The following CDK5RAP1 variants were observed in gnomAD, a reference collection of about 807,000 sequenced individuals.
CDK5RAP1 encodes the protein CDK5RAP1 mitochondrial tRNA methylthiotransferase, also known as mitochondrial tRNA methylthiotransferase CDK5RAP1.
CDK5RAP1 carries 62 observed loss-of-function variants against 64.5 expected under a neutral mutation model. That is an observed-to-expected ratio of 0.96 (90% CI 0.78 to 1.19). The LOEUF is 1.19. Ranked by LOEUF, CDK5RAP1 falls within the 50% of genes most tolerant of loss-of-function variation. CDK5RAP1 has a pLI of 0.00. For missense variants in CDK5RAP1, 657 were observed against 735.0 expected, an observed-to-expected ratio of 0.89 and a Z score of 1.23; for synonymous variants, 250 against 261.9, an observed-to-expected ratio of 0.95 and a Z score of 0.44.
chr20:33,361,955 C>CTAA (rs1983004786), intron 12 of CDK5RAP1, among the ~76,000 whole-genome samples: 1 of 87,872 alleles, frequency 1.1e-5, no homozygotes, highest in Non-Finnish European at 2.1e-5. Flanking sequence ...GCCTCAGTCT[C>CTAA]AAAAAAAAAA....
chr20:33,397,118 T>C, intron 1 of CDK5RAP1, 34 bp from the exon 2 acceptor site: 1 of 1,494,934 alleles, frequency 6.7e-7, no homozygotes. Flanking sequence ...CCAGCATTTA[T>C]TGAACACTAT....
intron 12 of CDK5RAP1, among the ~76,000 whole-genome samples, chr20:33,363,764 T>C (rs987416156): frequency 6.6e-6 from 1 of 152,104 alleles, no homozygotes; most frequent in Non-Finnish European, 1.5e-5. Flanking sequence ...CCAGGCGTGG[T>C]TGTACACATT....
intron 6 of CDK5RAP1, among the ~76,000 whole-genome samples, chr20:33,386,193 A>G (rs1987407831): frequency 6.6e-6 from 1 of 152,160 alleles, no homozygotes. Context: ...CCTCCTGAGT[A>G]GCTGGGACTA....
intron 6 of CDK5RAP1, among the ~76,000 whole-genome samples, chr20:33,386,775 T>TA (rs11481511): frequency 0.47 from 65,197 of 139,194 alleles, 14,970 homozygotes; most frequent in Non-Finnish European, 0.51. Flanking sequence ...AACTTTTCTG[T>TA]AAAAAAAAAA....
chr20:33,397,020 C>T lies in CDK5RAP1; in HGVS notation c.45G>A (p.Gly15=). The part of the protein sequence containing the change: ...QCVLQVQRSL[G]WGPLASVSWL... ...AAGACACAGAGGCCAATGGTCCCCA[C>T]CCCAGAGACCTCTGCACTTGGAGGA... The change falls in exon 2 of 14, where the codon GGG becomes GGA. Residue 15 remains glycine (G), a synonymous_variant. Coordinates refer to ENST00000346416, the MANE Select transcript of CDK5RAP1 (RefSeq NM_016408.4). 1 of 1,613,952 alleles carries T rather than the reference C, an allele frequency of 6.2e-7. No individual in the cohort carries two copies. Among genetic ancestry groups the T allele is most frequent in the Non-Finnish European group, 8.5e-7 (1 of 1,179,934 alleles).
intron 2 of CDK5RAP1, 139 bp downstream of exon 2, chr20:33,396,622 C>T (rs771456710): frequency 2.8e-6 from 2 of 711,076 alleles, no homozygotes; most frequent in Middle Eastern, 4.1e-4. Flanking sequence ...ATTAATATTA[C>T]TTGGTGGAGT....
At position 33,389,523 on chromosome 20, in the gene CDK5RAP1, C is replaced by T. The variant is rs568922007; in HGVS notation, c.545-1990G>A. ...TCAGCCCCCGCCCGGCCAGCCGACC[C>T]GTCAGGGAGGGAGGTGGGGGGGTCA... On this transcript the variant is annotated intron_variant, in intron 5 of 13. Transcript: ENST00000346416. Among the ~76,000 whole-genome samples, 204 of 151,380 alleles carry T rather than the reference C, an allele frequency of 1.3e-3. 1 individual carries two copies. The highest frequency in any genetic ancestry group is 4.6e-3 in the African/African-American group (191 of 41,284).
chr20:33,396,625 G>T, intron 2 of CDK5RAP1, 136 bp downstream of exon 2: 1 of 710,426 alleles, frequency 1.4e-6, no homozygotes, highest in Non-Finnish European at 2.4e-6. Flanking sequence ...AATATTACTT[G>T]GTGGAGTCTA....
chr20:33,373,168 G>GTGTC (rs1985378931), intron 9 of CDK5RAP1: 1 of 163,662 alleles, frequency 6.1e-6, no homozygotes, highest in South Asian at 1.7e-4. Context: ...GTGTGTGTGT[G>GTGTC]TGTGTGTCTG....
chr20:33,364,897 G>A (rs1983614870), intron 12 of CDK5RAP1, among the ~76,000 whole-genome samples: 1 of 142,110 alleles, frequency 7.0e-6, no homozygotes, highest in African/African-American at 2.7e-5. Context: ...TTTTGATACA[G>A]ACTCTAGCTG....
At chr20:33,398,600 T>G (rs1361663644) in intron 1 of CDK5RAP1, among the ~76,000 whole-genome samples, 1 of 151,982 alleles carries the variant, frequency 6.6e-6, no homozygotes, top group Admixed American at 6.6e-5. Flanking sequence ...TTCTGGTGCA[T>G]CCATACAATG....
chr20:33,359,973 A>C (rs1287346073), intron 13 of CDK5RAP1: 1 of 176,632 alleles, frequency 5.7e-6, no homozygotes, highest in Non-Finnish European at 1.2e-5. Context: ...AAACTCGAGC[A>C]CATGTAAGTT....
At chr20:33,392,432 G>A (rs1014241789) in intron 4 of CDK5RAP1, among the ~76,000 whole-genome samples, 190 bp from the exon 5 acceptor site, 1 of 141,784 alleles carries the variant, frequency 7.1e-6, no homozygotes, top group Non-Finnish European at 1.5e-5. Flanking sequence ...ATAAACTTTT[G>A]TAAAACATTA....
intron 8 of CDK5RAP1, among the ~76,000 whole-genome samples, chr20:33,376,836 T>C (rs1002797440): frequency 6.6e-6 from 1 of 152,198 alleles, no homozygotes; most frequent in Admixed American, 6.5e-5. Flanking sequence ...AGAACATTAA[T>C]GATTCATGGG....
intron 1 of CDK5RAP1, among the ~76,000 whole-genome samples, chr20:33,399,444 T>C (rs1989195251): frequency 1.3e-5 from 2 of 152,218 alleles, no homozygotes; most frequent in African/African-American, 4.8e-5. Flanking sequence ...AGCTCTATTC[T>C]ATCTCTCCAT....
intron 7 of CDK5RAP1, among the ~76,000 whole-genome samples, chr20:33,379,937 A>G (rs558988186): frequency 6.6e-6 from 1 of 152,326 alleles, no homozygotes; most frequent in South Asian, 2.1e-4. Context: ...ATTATTTAGA[A>G]TCAAAACTGG....
chr20:33,401,416 C>A lies in CDK5RAP1; in HGVS notation c.-21+12G>T. The A allele has an allele frequency of 2.0e-6, 2 of 985,508 alleles. No individual in the cohort carries two copies. The highest frequency in any genetic ancestry group is 2.4e-6 in the Non-Finnish European group (2 of 829,970). 61.0% of individuals were successfully genotyped at this position (985,508 alleles called of 1,614,324 possible). ...CGGGTGCGCAGCCCACCCCGGCGGC[C>A]GCGCTGCTCACCTCCCGCAGCAGCA... On this transcript the variant is annotated intron_variant, in intron 1 of 13. Transcript: ENST00000346416.
chr20:33,397,169 AT>A lies in CDK5RAP1; in HGVS notation c.-20-86del, dbSNP rs1204896322. 5 of 947,884 alleles carry A rather than the reference AT, an allele frequency of 5.3e-6. No individual in the cohort carries two copies. The African/African-American group carries it at 8.2e-5, about 16-fold the overall frequency. 58.7% of individuals were successfully genotyped at this position (947,884 alleles called of 1,614,324 possible). ...GTGAGCACTTCAAGTGTATACATCT[AT>A]TTACCCCTCACAAAAGCCCATGAAG... On this transcript the variant is annotated intron_variant, in intron 1 of 13. Coordinates refer to ENST00000346416, the MANE Select transcript of CDK5RAP1 (RefSeq NM_016408.4).
At chr20:33,376,501 G>GA (rs1266292439) in intron 8 of CDK5RAP1, among the ~76,000 whole-genome samples, 2 of 152,054 alleles carry the variant, frequency 1.3e-5, no homozygotes, top group South Asian at 4.2e-4. Context: ...TACTGCTTAG[G>GA]AAAAAAGATT....
Sources: allele counts gnomAD v4.1 joint callset (sites outside exome capture counted in the v4.1 genomes callset), GRCh38; gene constraint gnomAD v4.1.1; transcripts MANE v1.5; gene names NCBI Gene and HGNC (gene_info 2026-07-23, HGNC 2026-07-21).